The following TLR6 variants were observed in gnomAD, a reference collection of about 807,000 sequenced individuals.
The protein encoded by TLR6 is toll like receptor 6, also known as toll-like receptor 6.
Under a neutral mutation model 16.1 loss-of-function variants are expected in TLR6, and 9 were observed. The observed-to-expected ratio is 0.56, with a 90% confidence interval of 0.34 to 0.98. TLR6 has a LOEUF of 0.98. Among genes scored for constraint, TLR6 ranks in the 50% least tolerant of loss-of-function variants. The pLI is 0.02. For synonymous variants in TLR6, 340 were observed against 338.6 expected (o/e 1.00, Z -0.04); for missense variants, 786 against 921.0 (o/e 0.85, Z 1.90).
chr4:38,841,142 T>C (rs1465212389), intron 1 of TLR6, among the ~76,000 whole-genome samples: 1 of 152,196 alleles, frequency 6.6e-6, no homozygotes, highest in African/African-American at 2.4e-5. Flanking sequence ...TGCTATGCTA[T>C]GTATTTCATC....
In TLR6 at chr4:38,827,893, C is replaced by A. The variant is rs56325560; in HGVS notation, c.1581G>T (p.Gly527=). Reference sequence around the variant, plus strand: ...CACAGGTACATTGGAATGGATTGTCCCCTGCTTTTATTGACCTCATCTTCT... The same window carrying A: ...CACAGGTACATTGGAATGGATTGTCACCTGCTTTTATTGACCTCATCTTCT... The change falls in exon 2 of 2, where the codon GGG becomes GGT. Residue 527 remains glycine, a synonymous_variant. Transcript: ENST00000436693. 823 of 1,614,076 alleles carry A rather than the reference C, an allele frequency of 5.1e-4. 10 individuals carry two copies. The South Asian group carries it at 8.3e-3, about 16-fold the overall frequency.
chr4:38,858,878 AG>A, upstream of TLR6, among the ~76,000 whole-genome samples: 1 of 101,128 alleles, frequency 9.9e-6, no homozygotes, highest in Non-Finnish European at 2.2e-5. Context: ...AAAGAAAGAA[AG>A]AAAGAAAGAG....
intron 1 of TLR6, among the ~76,000 whole-genome samples, chr4:38,832,266 A>G (rs1008583586): frequency 6.6e-6 from 1 of 152,202 alleles, no homozygotes; most frequent in African/African-American, 2.4e-5. Flanking sequence ...ATAATCACAC[A>G]TTGAATGAGC....
the TLR6 span, among the ~76,000 whole-genome samples, chr4:38,863,245 A>G: frequency 6.6e-6 from 1 of 152,118 alleles, no homozygotes; most frequent in South Asian, 2.1e-4. Flanking sequence ...CCTAGACCCC[A>G]TATCCCACTC....
At chr4:38,827,827 A>G in exon 2 of TLR6, 1 of 1,614,226 alleles carries the variant, frequency 6.2e-7, no homozygotes, top group Non-Finnish European at 8.5e-7. Flanking sequence ...CTAACACTTC[A>G]CTTGATACTT....
chr4:38,839,197 A>G (rs1297181816), intron 1 of TLR6, among the ~76,000 whole-genome samples: 1 of 151,956 alleles, frequency 6.6e-6, no homozygotes, highest in Non-Finnish European at 1.5e-5. Context: ...GAAAGAAGTC[A>G]GTCTGAAAAA....
chr4:38,827,423 A>G (rs760353134), exon 2 of TLR6: 4 of 1,614,246 alleles, frequency 2.5e-6, no homozygotes, highest in South Asian at 1.1e-5. Context: ...ATTTTCCACA[A>G]TGCTCTTGCC....
intron 1 of TLR6, among the ~76,000 whole-genome samples, chr4:38,845,194 T>A (rs956153902): frequency 6.6e-6 from 1 of 152,258 alleles, no homozygotes; most frequent in Non-Finnish European, 1.5e-5. Flanking sequence ...ATTAAAGTTT[T>A]ATCTATATTG....
chr4:38,836,447 G>T (rs1711922789), intron 1 of TLR6, among the ~76,000 whole-genome samples: 1 of 152,114 alleles, frequency 6.6e-6, no homozygotes, highest in Admixed American at 6.5e-5. Context: ...AGAAAAATCT[G>T]AACAGACCAA....
chr4:38,832,195 G>A (rs1329544009), intron 1 of TLR6, among the ~76,000 whole-genome samples: 1 of 152,178 alleles, frequency 6.6e-6, no homozygotes, highest in African/African-American at 2.4e-5. Flanking sequence ...GCATTAAAAT[G>A]GCTGAATAGA....
At chr4:38,828,530 T>G in exon 2 of TLR6, 1 of 1,614,112 alleles carries the variant, frequency 6.2e-7, no homozygotes, top group Non-Finnish European at 8.5e-7. Flanking sequence ...CAGAAAAACT[T>G]GGTTCGTGAT....
intron 1 of TLR6, among the ~76,000 whole-genome samples, chr4:38,847,628 G>A (rs1161238102): frequency 6.6e-6 from 1 of 152,212 alleles, no homozygotes; most frequent in Non-Finnish European, 1.5e-5. Flanking sequence ...GGCATACCAG[G>A]AGATTATATC....
intron 1 of TLR6, among the ~76,000 whole-genome samples, chr4:38,853,131 C>CA (rs1247383673): frequency 2.0e-5 from 3 of 147,006 alleles, no homozygotes; most frequent in African/African-American, 7.7e-5. Flanking sequence ...ATCGCAAGGA[C>CA]AAAAAACCAA....
intron 1 of TLR6, among the ~76,000 whole-genome samples, chr4:38,845,843 G>A (rs1295435424): frequency 6.6e-6 from 1 of 152,142 alleles, no homozygotes; most frequent in Non-Finnish European, 1.5e-5. Flanking sequence ...TGTAATCCTA[G>A]CACTTTGGGA....
At chr4:38,847,371 G>A (rs1712573471) in intron 1 of TLR6, among the ~76,000 whole-genome samples, 1 of 152,110 alleles carries the variant, frequency 6.6e-6, no homozygotes, top group African/African-American at 2.4e-5. Context: ...TGCAGAAGAT[G>A]GGTGATTTCT....
intron 1 of TLR6, among the ~76,000 whole-genome samples, chr4:38,834,951 A>G (rs1711829604): frequency 6.6e-6 from 1 of 152,248 alleles, no homozygotes; most frequent in African/African-American, 2.4e-5. Flanking sequence ...ATGAAAGTAT[A>G]AAACTCACTA....
chr4:38,827,169 T>C, exon 2 of TLR6: 1 of 1,614,218 alleles, frequency 6.2e-7, no homozygotes, highest in Non-Finnish European at 8.5e-7. Flanking sequence ...AGCCCACGTT[T>C]GCTTTTCTCC....
chr4:38,828,391 G>T (rs3821985), exon 2 of TLR6: 37 of 1,612,380 alleles, frequency 2.3e-5, no homozygotes, highest in Non-Finnish European at 2.5e-5. Flanking sequence ...AAACGTTCTG[G>T]GTAAAGTTCA....
chr4:38,846,281 G>A (rs1407415545), intron 1 of TLR6, among the ~76,000 whole-genome samples: 3 of 152,052 alleles, frequency 2.0e-5, no homozygotes, highest in Admixed American at 1.3e-4. Flanking sequence ...CTCAAGATAT[G>A]AAAGAAGTTA....
Sources: gnomAD v4.1 joint callset for allele counts (sites outside exome capture counted in the v4.1 genomes callset) on GRCh38, gnomAD v4.1.1 for gene constraint, MANE v1.5 for transcripts, NCBI Gene and HGNC (gene_info 2026-07-23, HGNC 2026-07-21) for gene names.